Variants in SH3D19 observed in about 807,000 individuals in gnomAD.
SH3D19 encodes the protein SH3 domain-containing protein 19.
In SH3D19, 58 loss-of-function variants were observed where a neutral mutation model predicts 112.1. That is an observed-to-expected ratio of 0.52 (90% CI 0.42 to 0.64). The LOEUF (loss-of-function observed/expected upper bound fraction) is 0.64. SH3D19 is among the 30% of genes least tolerant of loss of function. SH3D19 has a pLI of 0.00. For missense variants in SH3D19, 1,090 were observed against 1,263.4 expected (o/e 0.86, Z 2.08); for synonymous variants, 391 against 448.5 (o/e 0.87, Z 1.62).
chr4:151,279,507 G>A (rs567992196), intron 1 of SH3D19, among the ~76,000 whole-genome samples: 1 of 152,192 alleles, frequency 6.6e-6, no homozygotes, highest in Non-Finnish European at 1.5e-5. Context: ...AAGGTTCTCT[G>A]TTCAGTGAAT....
intron 9 of SH3D19, among the ~76,000 whole-genome samples, chr4:151,153,432 G>C (rs564751023): frequency 1.3e-4 from 20 of 151,546 alleles, no homozygotes; most frequent in African/African-American, 4.6e-4. Context: ...TTTTAGTAGA[G>C]ATGGGGGTTT....
At chr4:151,263,061 A>G (rs1333575307) in intron 1 of SH3D19, among the ~76,000 whole-genome samples, 3 of 152,214 alleles carry the variant, frequency 2.0e-5, no homozygotes, top group Non-Finnish European at 4.4e-5. Flanking sequence ...AAGAGTCAGC[A>G]AGACAGACGC....
At chr4:151,302,101 C>T (rs757386141) in intron 1 of SH3D19, among the ~76,000 whole-genome samples, 19 of 152,238 alleles carry the variant, frequency 1.2e-4, no homozygotes, top group South Asian at 6.2e-4. Flanking sequence ...TTGCAGGACC[C>T]CCACACCATT....
At chr4:151,132,446 T>C in intron 16 of SH3D19, 63 bp from the exon 17 acceptor site, 1 of 1,465,864 alleles carries the variant, frequency 6.8e-7, no homozygotes, top group Non-Finnish European at 9.5e-7. Flanking sequence ...CCACATAGTA[T>C]TAAAAACAAA....
chr4:151,213,195 T>TGA (rs1766255886), intron 2 of SH3D19, among the ~76,000 whole-genome samples: 1 of 152,182 alleles, frequency 6.6e-6, no homozygotes, highest in Non-Finnish European at 1.5e-5. Flanking sequence ...TAGAATAAAT[T>TGA]TAGTTGATAA....
chr4:151,237,391 A>C (rs1770187497), intron 1 of SH3D19, among the ~76,000 whole-genome samples: 2 of 152,240 alleles, frequency 1.3e-5, no homozygotes, highest in Admixed American at 6.5e-5. Flanking sequence ...ATAACAGCTT[A>C]CATAAAGAAG....
At chr4:151,310,419 G>A (rs528683411) in intron 1 of SH3D19, among the ~76,000 whole-genome samples, 11 of 152,150 alleles carry the variant, frequency 7.2e-5, no homozygotes, top group Non-Finnish European at 1.2e-4. Flanking sequence ...TGGCAAGGAT[G>A]TGAAGAAAAG....
Position 151,132,392 on chromosome 4 carries a change from A to T in SH3D19, c.2690-9T>A. The T allele has an allele frequency of 6.2e-7, 1 of 1,613,066 alleles. No homozygotes were observed. The highest frequency in any genetic ancestry group is 8.5e-7 in the Non-Finnish European group (1 of 1,179,468). On this transcript the variant is annotated splice_polypyrimidine_tract_variant and intron_variant, in intron 16 of 19. Coordinates refer to ENST00000604030, the MANE Select transcript of SH3D19 (RefSeq NM_001378122.1). ...CAGTGGTACCTTTGTGCCTACATTAAAAAAACAAACAAACACAAGAAGTCA... is the reference window on the plus strand; with the variant it reads ...CAGTGGTACCTTTGTGCCTACATTATAAAAACAAACAAACACAAGAAGTCA...
At chr4:151,204,666 G>T (rs1265585939) in intron 2 of SH3D19, among the ~76,000 whole-genome samples, 1 of 152,146 alleles carries the variant, frequency 6.6e-6, no homozygotes, top group Non-Finnish European at 1.5e-5. Context: ...TTAAAATCAT[G>T]ATCTTTCCAA....
chr4:151,246,760 T>C (rs1770977837), intron 1 of SH3D19, among the ~76,000 whole-genome samples: 1 of 152,212 alleles, frequency 6.6e-6, no homozygotes, highest in South Asian at 2.1e-4. Context: ...CATTTATTGA[T>C]GAGAAAAGAA....
At chr4:151,176,755 T>C (rs901336047) in intron 5 of SH3D19, 62 bp downstream of exon 5, 9 of 1,229,620 alleles carry the variant, frequency 7.3e-6, no homozygotes, top group Non-Finnish European at 9.1e-6. Flanking sequence ...AGTCTCACTG[T>C]TCTTATCTTC....
intron 1 of SH3D19, among the ~76,000 whole-genome samples, chr4:151,296,093 G>GA (rs767636845): frequency 1.3e-5 from 2 of 151,608 alleles, no homozygotes; most frequent in Non-Finnish European, 2.9e-5. Flanking sequence ...GAGTAATAGG[G>GA]AAAAAAAGAG....
At chr4:151,274,634 T>TG (rs1162909044) in intron 1 of SH3D19, among the ~76,000 whole-genome samples, 5 of 152,226 alleles carry the variant, frequency 3.3e-5, no homozygotes, top group Admixed American at 2.6e-4. Context: ...TAAGCTGTCA[T>TG]GAATCCAGAG....
chr4:151,232,577 A>C (rs943674408), intron 1 of SH3D19, among the ~76,000 whole-genome samples: 2 of 152,200 alleles, frequency 1.3e-5, no homozygotes, highest in African/African-American at 4.8e-5. Context: ...CCTAAGCCTC[A>C]GTTTTCTCAT....
chr4:151,199,187 G>GT (rs2149881367), intron 2 of SH3D19, among the ~76,000 whole-genome samples: 1 of 152,180 alleles, frequency 6.6e-6, no homozygotes, highest in South Asian at 2.1e-4. Flanking sequence ...CCACAAAGAA[G>GT]TATGTTTTAG....
intron 1 of SH3D19, among the ~76,000 whole-genome samples, chr4:151,266,427 A>G (rs9994652): frequency 0.35 from 52,650 of 152,128 alleles, 10,291 homozygotes; most frequent in Non-Finnish European, 0.46. Flanking sequence ...TGAAATGCTC[A>G]TGGAGATTAG....
intron 3 of SH3D19, among the ~76,000 whole-genome samples, chr4:151,186,598 T>C (rs1380458118): frequency 6.6e-6 from 1 of 151,402 alleles, no homozygotes; most frequent in Non-Finnish European, 1.5e-5. Flanking sequence ...CACGCCCAGC[T>C]AATTTTTGTA....
intron 2 of SH3D19, among the ~76,000 whole-genome samples, chr4:151,211,228 C>T (rs1487794207): frequency 1.3e-5 from 2 of 151,560 alleles, no homozygotes; most frequent in Non-Finnish European, 2.9e-5. Flanking sequence ...CAAGATTGTG[C>T]CATTGCACTC....
intron 1 of SH3D19, among the ~76,000 whole-genome samples, chr4:151,244,193 C>T (rs1012212036): frequency 2.2e-5 from 3 of 133,970 alleles, no homozygotes; most frequent in Non-Finnish European, 5.0e-5. Context: ...AATCTTCCCA[C>T]ATCTCAAACA....
Sources: gnomAD v4.1 joint callset for allele counts (sites outside exome capture counted in the v4.1 genomes callset) on GRCh38, gnomAD v4.1.1 for gene constraint, MANE v1.5 for transcripts, NCBI Gene and HGNC (gene_info 2026-07-23, HGNC 2026-07-21) for gene names.